Variants in KCND2 observed in about 807,000 individuals in gnomAD.
KCND2 encodes potassium voltage-gated channel subfamily D member 2, also known as A-type voltage-gated potassium channel KCND2.
A neutral mutation model predicts 54.4 loss-of-function variants in KCND2; 16 were observed. That is an observed-to-expected ratio of 0.29 (90% CI 0.20 to 0.45). The LOEUF is 0.45. KCND2 is among the 20% of genes least tolerant of loss of function. The probability of loss-of-function intolerance (pLI) is 1.00; values close to 1 mark genes in which losing one functional copy is unlikely to be tolerated. For missense variants in KCND2, 486 were observed against 824.2 expected (o/e 0.59, Z 5.02); for synonymous variants, 317 against 310.7 (o/e 1.02, Z -0.21).
chr7:120,504,099 T>TA (rs1252390609), intron 1 of KCND2, among the ~76,000 whole-genome samples: 3 of 151,990 alleles, frequency 2.0e-5, no homozygotes, highest in Non-Finnish European at 1.5e-5. Context: ...GTGTTAAATA[T>TA]AAAAGCTACA....
rs1180186569 is a variant in KCND2, at chr7:120,355,549, G to GA, written c.1115+79809dup. On this transcript the variant is annotated intron_variant, in intron 1 of 5. Coordinates refer to ENST00000331113, the MANE Select transcript of KCND2 (RefSeq NM_012281.3). ...AGTGACAGAGTGAGACTCTGTCTCA[G>GA]AAAAAAAGAAAATTACATGAGATAT... Among the ~76,000 whole-genome samples, 171 of 148,206 alleles carry GA rather than the reference G, an allele frequency of 1.2e-3. 2 individuals are homozygous for GA. The East Asian group carries it at 0.015, about 13-fold the overall frequency.
chr7:120,417,382 T>G (rs1801538808), intron 1 of KCND2, among the ~76,000 whole-genome samples: 2 of 152,006 alleles, frequency 1.3e-5, no homozygotes, highest in South Asian at 4.2e-4. Context: ...TCATGCCCCA[T>G]CCCCCTCATT....
At position 120,273,981 on chromosome 7, in the gene KCND2, A is replaced by T. The variant is rs1799129289; in HGVS notation, c.-652A>T. On this transcript the variant is annotated 5_prime_UTR_variant, in exon 1 of 6. Transcript: ENST00000331113. ...AATCTCTATTAACGCCCCCCACCGT[A>T]ACCACTGCACATCACCTCCATCTCT... 1 of 154,246 alleles carries T rather than the reference A, an allele frequency of 6.5e-6. No individual in the cohort carries two copies. Among genetic ancestry groups the T allele is most frequent in the Admixed American group, 6.4e-5 (1 of 15,584 alleles). The allele number at this position is 154,246 out of a possible 1,614,324, so 9.6% of individuals were successfully genotyped here. A position where few individuals can be genotyped will look rare whatever the true frequency, so the allele number is the denominator to read the frequency against.
At chr7:120,596,761 A>G (rs1792750792) in intron 1 of KCND2, among the ~76,000 whole-genome samples, 1 of 151,576 alleles carries the variant, frequency 6.6e-6, no homozygotes, top group South Asian at 2.3e-4. Context: ...GTTGTATACT[A>G]AAAAATCAGT....
intron 1 of KCND2, among the ~76,000 whole-genome samples, chr7:120,559,061 A>G (rs1221304755): frequency 6.6e-6 from 1 of 151,714 alleles, no homozygotes; most frequent in Non-Finnish European, 1.5e-5. Flanking sequence ...ATGTATGTGC[A>G]TTACTGACAA....
At chr7:120,522,936 A>G (rs1284593070) in intron 1 of KCND2, among the ~76,000 whole-genome samples, 2 of 152,162 alleles carry the variant, frequency 1.3e-5, no homozygotes, top group African/African-American at 4.8e-5. Flanking sequence ...CGTTACTTAG[A>G]CATACCTGTC....
At chr7:120,601,424 A>G (rs1486662097) in intron 1 of KCND2, among the ~76,000 whole-genome samples, 1 of 152,196 alleles carries the variant, frequency 6.6e-6, no homozygotes, top group African/African-American at 2.4e-5. Context: ...CACAGGTGGA[A>G]GAAAGATCGA....
At chr7:120,569,430 G>A (rs999004778) in intron 1 of KCND2, among the ~76,000 whole-genome samples, 6 of 151,782 alleles carry the variant, frequency 4.0e-5, no homozygotes, top group African/African-American at 1.5e-4. Context: ...GTCTTATTTT[G>A]GAGGATTTTA....
At chr7:120,471,731 G>C (rs75640234) in intron 1 of KCND2, among the ~76,000 whole-genome samples, 3,141 of 152,078 alleles carry the variant, frequency 0.021, 98 homozygotes, top group African/African-American at 0.071. Context: ...AATCCTGTTG[G>C]ACAGGATTCT....
intron 1 of KCND2, among the ~76,000 whole-genome samples, chr7:120,664,007 G>T (rs1420905473): frequency 6.7e-6 from 1 of 150,304 alleles, no homozygotes; most frequent in Non-Finnish European, 1.5e-5. Flanking sequence ...TAATGACCTA[G>T]AGTGGTGGCC....
At chr7:120,732,394 A>G (rs1792819061) in intron 1 of KCND2, among the ~76,000 whole-genome samples, 1 of 152,326 alleles carries the variant, frequency 6.6e-6, no homozygotes, top group African/African-American at 2.4e-5. Flanking sequence ...AGAAATGGCC[A>G]TTAGATTTCA....
At chr7:120,325,529 A>C (rs1213065924) in intron 1 of KCND2, among the ~76,000 whole-genome samples, 2 of 151,492 alleles carry the variant, frequency 1.3e-5, no homozygotes, top group East Asian at 1.9e-4. Flanking sequence ...GAATTTTGTC[A>C]AAGGCCTTTT....
At chr7:120,353,366 G>A (rs1479878543) in intron 1 of KCND2, among the ~76,000 whole-genome samples, 1 of 151,972 alleles carries the variant, frequency 6.6e-6, no homozygotes, top group Non-Finnish European at 1.5e-5. Context: ...ATGAGTTATA[G>A]GGAAGTTTGT....
chr7:120,382,468 T>C (rs73431997), intron 1 of KCND2, among the ~76,000 whole-genome samples: 1,663 of 152,046 alleles, frequency 0.011, 36 homozygotes, highest in African/African-American at 0.038. Flanking sequence ...TTATTAGAAT[T>C]CAAATATAAA....
chr7:120,554,621 G>A (rs1792140520), intron 1 of KCND2, among the ~76,000 whole-genome samples: 1 of 152,022 alleles, frequency 6.6e-6, no homozygotes, highest in Non-Finnish European at 1.5e-5. Flanking sequence ...TGTTAGCCAG[G>A]ATGGTGTCGA....
chr7:120,724,056 C>T (rs1360998580), intron 1 of KCND2, among the ~76,000 whole-genome samples: 1 of 152,062 alleles, frequency 6.6e-6, no homozygotes, highest in Non-Finnish European at 1.5e-5. Context: ...CTTTATCTCC[C>T]CTCACTCCCT....
chr7:120,478,854 A>G (rs1802565594), intron 1 of KCND2, among the ~76,000 whole-genome samples: 4 of 152,136 alleles, frequency 2.6e-5, no homozygotes, highest in Admixed American at 2.6e-4. Context: ...ATAGCCAAGT[A>G]AAATAGAAGG....
chr7:120,660,729 T>A (rs1028786942), intron 1 of KCND2, among the ~76,000 whole-genome samples: 4 of 152,182 alleles, frequency 2.6e-5, no homozygotes, highest in African/African-American at 9.7e-5. Context: ...TGCTGTATAG[T>A]TTCAATCAAG....
chr7:120,405,429 CAAATG>C (rs1801337273), intron 1 of KCND2, among the ~76,000 whole-genome samples: 1 of 152,052 alleles, frequency 6.6e-6, no homozygotes. Flanking sequence ...GATACTGATA[CAAATG>C]AAGCTTAGAA....
Sources: allele counts gnomAD v4.1 joint callset (sites outside exome capture counted in the v4.1 genomes callset), GRCh38; gene constraint gnomAD v4.1.1; transcripts MANE v1.5; gene names NCBI Gene and HGNC (gene_info 2026-07-23, HGNC 2026-07-21).